RAD50: variants seen among roughly 807,000 people sequenced by gnomAD.
The protein encoded by RAD50 is DNA repair protein RAD50.
Under a neutral mutation model 168.8 loss-of-function variants are expected in RAD50, and 132 were observed. That is an observed-to-expected ratio of 0.78 (90% confidence interval 0.68 to 0.90). The LOEUF (loss-of-function observed/expected upper bound fraction) is 0.90, where lower values mean the gene tolerates loss of function less well. RAD50 is among the 40% of genes least tolerant of loss of function. RAD50 has a pLI of 0.00. For synonymous variants in RAD50, 525 were observed against 497.4 expected (o/e 1.06, Z -0.74); for missense variants, 1,347 against 1,534.4 (o/e 0.88, Z 2.04).
intron 2 of RAD50, among the ~76,000 whole-genome samples, chr5:132,564,042 C>G (rs1580978698): frequency 6.6e-6 from 1 of 152,178 alleles, no homozygotes; most frequent in Non-Finnish European, 1.5e-5. Flanking sequence ...CCAATTAAAC[C>G]TCTTTTCTTT....
At chr5:132,640,595 G>T in intron 23 of RAD50, 77 bp from the exon 24 acceptor site, 1 of 1,594,456 alleles carries the variant, frequency 6.3e-7, no homozygotes, top group South Asian at 1.1e-5. Flanking sequence ...CTGCTGAAAA[G>T]ATCATGTCAG....
chr5:132,634,745 TAA>T (rs1025719869), intron 21 of RAD50, among the ~76,000 whole-genome samples: 5 of 152,310 alleles, frequency 3.3e-5, no homozygotes, highest in African/African-American at 9.6e-5. Flanking sequence ...ATTTTTCACT[TAA>T]GATATTTTAT....
intron 5 of RAD50, among the ~76,000 whole-genome samples, chr5:132,586,481 T>C (rs111690100): frequency 0.015 from 2,291 of 152,350 alleles, 28 homozygotes; most frequent in Non-Finnish European, 0.022. Flanking sequence ...TTAGCTAACA[T>C]TGAACACCTA....
At position 132,558,831 on chromosome 5, in the gene RAD50, C is replaced by T. The variant is rs111976982; in HGVS notation, c.130-453C>T. Among the ~76,000 whole-genome samples the T allele has an allele frequency of 2.1e-3, 322 of 151,082 alleles. 3 individuals are homozygous for T. Among genetic ancestry groups the T allele is most frequent in the African/African-American group, 6.9e-3 (284 of 41,142 alleles). ...GGGGGATTGCTTGAGCCCAGGAGGT[C>T]GAGAGGTCGAGGCTGCAGTAAGCCA... On this transcript the variant is annotated intron_variant, in intron 1 of 24. Transcript: ENST00000378823.
chr5:132,633,301 C>T (rs1751511266), intron 21 of RAD50, among the ~76,000 whole-genome samples: 1 of 151,636 alleles, frequency 6.6e-6, no homozygotes, highest in Non-Finnish European at 1.5e-5. Flanking sequence ...GACAGGGTTA[C>T]ACCATGTTGG....
rs74644031 is a variant in RAD50, at chr5:132,636,531, C to T, written c.3390-584C>T. Among the ~76,000 whole-genome samples the T allele has an allele frequency of 6.5e-3, 991 of 152,250 alleles. 14 individuals are homozygous for T. Among genetic ancestry groups the T allele is most frequent in the African/African-American group, 0.023 (942 of 41,550 alleles). On this transcript the variant is annotated intron_variant, in intron 21 of 24. Transcript: ENST00000378823. ...AATCATTCTCGCTGAACCAAAGCTT[C>T]CAGTTGGTAAAAATCTAAGATCTGA...
Position 132,586,234 on chromosome 5 carries a change from C to T in RAD50, c.757-1328C>T, listed in dbSNP as rs962731092. 7.9e-5 allele frequency among the ~76,000 whole-genome samples: 12 copies of T among 152,316 alleles called. No homozygotes were observed. The South Asian group carries it at 2.3e-3, about 29-fold the overall frequency. ...CTTCTTCTAGCACCCAGAGCCTAGT[C>T]ATTATGATACCCTGCCTTCTAATCT... On this transcript the variant is annotated intron_variant, in intron 5 of 24. Coordinates refer to ENST00000378823, the MANE Select transcript of RAD50 (RefSeq NM_005732.4).
chr5:132,637,165 T>C lies in RAD50; in HGVS notation c.3440T>C (p.Ile1147Thr), dbSNP rs587781322. 1 of 1,612,536 alleles carries C rather than the reference T, an allele frequency of 6.2e-7. No individual in the cohort carries two copies. Residue 1147 changes from isoleucine (I) to threonine (T), a missense_variant, in exon 22 of 25, where the codon ATA becomes ACA. Transcript: ENST00000378823. The stretch of plus-strand genomic sequence containing the variant: ...AAAATGGAAGAAATCAATAAAATTA[T>C]ACGTGACCTGTGGCGAAGTACCTAT... ...SMKMEEINKI[I>T]RDLWRSTYRG...
intron 5 of RAD50, among the ~76,000 whole-genome samples, chr5:132,585,136 A>G (rs1357651102): frequency 2.0e-5 from 3 of 152,208 alleles, no homozygotes; most frequent in Non-Finnish European, 4.4e-5. Flanking sequence ...GGGTTGTTAC[A>G]GATAAAACTG....
At chr5:132,607,605 T>C (rs919528654) in intron 16 of RAD50, among the ~76,000 whole-genome samples, 12 of 152,200 alleles carry the variant, frequency 7.9e-5, no homozygotes, top group African/African-American at 2.4e-4. Context: ...CTTGCATCTG[T>C]ATAATTTTTT....
chr5:132,597,311 C>CA (rs948978881), intron 13 of RAD50, among the ~76,000 whole-genome samples: 4 of 152,114 alleles, frequency 2.6e-5, no homozygotes, highest in African/African-American at 9.7e-5. Flanking sequence ...TATTTATACT[C>CA]TTGTATAGTC....
At chr5:132,637,829 G>T (rs1173864749) in intron 22 of RAD50, among the ~76,000 whole-genome samples, 2 of 152,160 alleles carry the variant, frequency 1.3e-5, no homozygotes, top group Admixed American at 6.5e-5. Flanking sequence ...ACCGCGCCTG[G>T]CCTGGAGGAA....
At chr5:132,610,412 A>G (rs1478443652) in intron 19 of RAD50, among the ~76,000 whole-genome samples, 5 of 152,188 alleles carry the variant, frequency 3.3e-5, no homozygotes, top group African/African-American at 4.8e-5. Flanking sequence ...TCTCTATTAA[A>G]GAAATTAATT....
At chr5:132,627,238 A>G (rs1221172862) in intron 21 of RAD50, among the ~76,000 whole-genome samples, 1 of 152,192 alleles carries the variant, frequency 6.6e-6, no homozygotes, top group Non-Finnish European at 1.5e-5. Flanking sequence ...TTCCTGGTTT[A>G]GAACCATAAC....
chr5:132,610,285 T>C (rs1396500361), intron 19 of RAD50, among the ~76,000 whole-genome samples: 2 of 152,148 alleles, frequency 1.3e-5, no homozygotes, highest in East Asian at 3.8e-4. Context: ...CTAACATATC[T>C]TTATGTAGCA....
intron 16 of RAD50, among the ~76,000 whole-genome samples, chr5:132,607,412 A>G (rs1164813672): frequency 1.3e-5 from 2 of 152,208 alleles, no homozygotes; most frequent in Admixed American, 6.5e-5. Context: ...CATCCCTTAT[A>G]TAGATTAATC....
chr5:132,619,476 T>G (rs929454338), intron 21 of RAD50, among the ~76,000 whole-genome samples: 1 of 152,028 alleles, frequency 6.6e-6, no homozygotes. Flanking sequence ...CATAGTTCAG[T>G]GTAACCTCAA....
chr5:132,619,783 C>CCTCTCTCTCTCTCTCTCT (rs550575815), intron 21 of RAD50, among the ~76,000 whole-genome samples: 4 of 125,722 alleles, frequency 3.2e-5, no homozygotes, highest in African/African-American at 1.4e-4. Context: ...CTTCCCTACT[C>CCTCTCTCTCTCTCTCTCT]CTCTCTCTCT....
intron 15 of RAD50, 37 bp from the exon 16 acceptor site, chr5:132,604,769 C>G: frequency 6.8e-7 from 1 of 1,479,508 alleles, no homozygotes; most frequent in Non-Finnish European, 9.4e-7. Context: ...TTTCTATGCC[C>G]TTACATTAAT....
Sources: gnomAD v4.1 joint callset for allele counts (sites outside exome capture counted in the v4.1 genomes callset) on GRCh38, gnomAD v4.1.1 for gene constraint, MANE v1.5 for transcripts, NCBI Gene and HGNC (gene_info 2026-07-23, HGNC 2026-07-21) for gene names.